AVP: variants seen among roughly 807,000 people sequenced by gnomAD.
AVP encodes the protein arginine vasopressin.
AVP carries 9 observed loss-of-function variants against 11.1 expected under a neutral mutation model. That is an observed-to-expected ratio of 0.81 (90% CI 0.49 to 1.42). AVP has a LOEUF of 1.42. Ranked by LOEUF, AVP falls within the 40% of genes most tolerant of loss-of-function variation. AVP has a pLI of 0.00. For synonymous variants in AVP, 106 were observed against 111.3 expected (o/e 0.95, Z 0.30); for missense variants, 206 against 238.5 (o/e 0.86, Z 0.90).
At chr20:3,084,058 A>G (rs111235278) in intron 1 of AVP, among the ~76,000 whole-genome samples, 2 of 152,178 alleles carry the variant, frequency 1.3e-5, no homozygotes, top group Non-Finnish European at 2.9e-5. Flanking sequence ...TCCCAGCAGA[A>G]CTTCCCCACA....
chr20:3,082,962 G>T lies in AVP; in HGVS notation c.322+15C>A, dbSNP rs755297710. The T allele has an allele frequency of 6.4e-6, 4 of 620,460 alleles. No homozygotes were observed. Among genetic ancestry groups the T allele is most frequent in the Non-Finnish European group, 8.6e-6 (4 of 463,120 alleles). 38.4% of individuals were successfully genotyped at this position (620,460 alleles called of 1,614,324 possible). On this transcript the variant is annotated intron_variant, in intron 2 of 2. Coordinates refer to ENST00000380293, the MANE Select transcript of AVP (RefSeq NM_000490.5). This position sits in a 1 kb window ranked among gnomAD's most constrained non-coding sequence, Gnocchi z 4.7. The stretch of plus-strand genomic sequence containing the variant: ...CTGCGCCCCCCCCAGCCCCAGGCCC[G>T]CCCCCGCCGCGCACCGTCGTTGCAG...
Position 3,082,971 on chromosome 20 carries a change from G to T in AVP, c.322+6C>A. The T allele has an allele frequency of 1.4e-6, 1 of 730,516 alleles. No individual in the cohort carries two copies. Among genetic ancestry groups the T allele is most frequent in the East Asian group, 8.7e-5 (1 of 11,484 alleles). 45.3% of individuals were successfully genotyped at this position (730,516 alleles called of 1,614,324 possible). The stretch of plus-strand genomic sequence containing the variant: ...CCCCAGCCCCAGGCCCGCCCCCGCC[G>T]CGCACCGTCGTTGCAGCAAACGCCG... On this transcript the variant is annotated splice_donor_region_variant and intron_variant, in intron 2 of 2. Transcript: ENST00000380293. This position sits in a 1 kb window ranked among gnomAD's most constrained non-coding sequence, Gnocchi z 4.7.
Position 3,082,900 on chromosome 20 carries a change from C to G in AVP, c.322+77G>C. 8.7e-7 allele frequency: 1 copy of G among 1,153,100 alleles called. No individual in the cohort carries two copies. Among genetic ancestry groups the G allele is most frequent in the African/African-American group, 1.6e-5 (1 of 60,698 alleles). The allele number at this position is 1,153,100 out of a possible 1,614,324, so 71.4% of individuals were successfully genotyped here. A position where few individuals can be genotyped will look rare whatever the true frequency, so the allele number is the denominator to read the frequency against. On this transcript the variant is annotated intron_variant, in intron 2 of 2. Transcript: ENST00000380293. This position sits in a 1 kb window ranked among gnomAD's most constrained non-coding sequence, Gnocchi z 4.7. The stretch of plus-strand genomic sequence containing the variant: ...CCTGCCGGGCCCGACGCAGCCCCCA[C>G]CCCGCCGCAGGCCCGCGTCCCCCCC...
At position 3,082,941 on chromosome 20, in the gene AVP, G is replaced by GGC. The variant is rs2066118218; in HGVS notation, c.322+35_322+36insGC. ...CGTCCCCCCCACCCAAGCGGTCTGC[G>GGC]CCCCCCCCAGCCCCAGGCCCGCCCC... is the stretch of plus-strand genomic sequence containing the variant. On this transcript the variant is annotated intron_variant, in intron 2 of 2. Transcript: ENST00000380293. This position sits in a 1 kb window ranked among gnomAD's most constrained non-coding sequence, Gnocchi z 4.7. 5 of 1,100,848 alleles carry GGC rather than the reference G, an allele frequency of 4.5e-6. No individual in the cohort carries two copies. In the African/African-American group the frequency reaches 5.1e-5, roughly 11 times the overall value. 68.2% of individuals were successfully genotyped at this position (1,100,848 alleles called of 1,614,324 possible).
chr20:3,082,815 C>A lies in AVP; in HGVS notation c.323-13G>T. 1 of 1,233,146 alleles carries A rather than the reference C, an allele frequency of 8.1e-7. No homozygotes were observed. Among genetic ancestry groups the A allele is most frequent in the Non-Finnish European group, 1.0e-6 (1 of 989,466 alleles). The allele number at this position is 1,233,146 out of a possible 1,614,324, so 76.4% of individuals were successfully genotyped here. ...GTCACGCAGCTCTCTGCCGGGAGGA[C>A]GTGTGAGCACGGGCGCCCTGGGGCG... On this transcript the variant is annotated splice_polypyrimidine_tract_variant and intron_variant, in intron 2 of 2. Transcript: ENST00000380293. The surrounding 1 kb of genome is among the most constrained non-coding windows in gnomAD (Gnocchi z 4.7).
In AVP at chr20:3,083,473, C is replaced by G. The variant is rs2066122224; in HGVS notation, c.121-295G>C. Reference sequence around the variant, plus strand: ...GACTACAGCGTGGGGAACCCTTCCTCGAGCCTCGGGGTCATCGCTGGTGGG... The same window carrying G: ...GACTACAGCGTGGGGAACCCTTCCTGGAGCCTCGGGGTCATCGCTGGTGGG... On this transcript the variant is annotated intron_variant, in intron 1 of 2. Coordinates refer to ENST00000380293, the MANE Select transcript of AVP (RefSeq NM_000490.5). The surrounding 1 kb of genome is among the most constrained non-coding windows in gnomAD (Gnocchi z 5.4). Among the ~76,000 whole-genome samples, 3 of 152,094 alleles carry G rather than the reference C, an allele frequency of 2.0e-5. No individual in the cohort carries two copies. Among genetic ancestry groups the G allele is most frequent in the Non-Finnish European group, 2.9e-5 (2 of 68,012 alleles).
In AVP at chr20:3,082,893, G is replaced by GGCC; in HGVS notation, c.322+83_322+84insGGC. ...CACCCTCCCTGCCGGGCCCGACGCA[G>GGCC]CCCCCACCCCGCCGCAGGCCCGCGT... On this transcript the variant is annotated intron_variant, in intron 2 of 2. Transcript: ENST00000380293. The surrounding 1 kb of genome is among the most constrained non-coding windows in gnomAD (Gnocchi z 4.7). 27 of 1,191,440 alleles carry GGCC rather than the reference G, an allele frequency of 2.3e-5. No individual in the cohort carries two copies. The highest frequency in any genetic ancestry group is 3.4e-5 in the South Asian group (1 of 29,036). The allele number at this position is 1,191,440 out of a possible 1,614,324, so 73.8% of individuals were successfully genotyped here.
rs1382053756 is a variant in AVP, at chr20:3,082,658, A to C, written c.467T>G (p.Phe156Cys). The C allele has an allele frequency of 7.0e-6, 9 of 1,281,210 alleles. No homozygotes were observed. The highest frequency in any genetic ancestry group is 7.9e-6 in the Non-Finnish European group (8 of 1,018,246). 79.4% of individuals were successfully genotyped at this position (1,281,210 alleles called of 1,614,324 possible). Residue 156 changes from phenylalanine to cysteine, a missense_variant, in exon 3 of 3, where the codon TTC becomes TGC. By Grantham distance (205) the Phe-to-Cys change is radical. Transcript: ENST00000380293. This position sits in a 1 kb window ranked among gnomAD's most constrained non-coding sequence, Gnocchi z 4.7. Reference sequence around the variant, plus strand: ...GTAGGCGTCGGGCTGGGCGGGCTCGAAGGGCTCGGGCGCCCCGGCCAGCTG... The same window carrying C: ...GTAGGCGTCGGGCTGGGCGGGCTCGCAGGGCTCGGGCGCCCCGGCCAGCTG... ...LVQLAGAPEP[F>C]EPAQPDAY
rs962523738 is a variant in AVP at position 3,083,714 on chromosome 20, C to T, written c.121-536G>A. ...TTGTCGGCCTCAGCTGGAGCCCTGA[C>T]CCCTGCTCAGCCACCTATGACCTAT... is the stretch of plus-strand genomic sequence containing the variant. On this transcript the variant is annotated intron_variant, in intron 1 of 2. Transcript: ENST00000380293. This position sits in a 1 kb window ranked among gnomAD's most constrained non-coding sequence, Gnocchi z 5.4. 1.3e-5 allele frequency among the ~76,000 whole-genome samples: 2 copies of T among 152,188 alleles called. No individual in the cohort carries two copies. Among genetic ancestry groups the T allele is most frequent in the African/African-American group, 4.8e-5 (2 of 41,446 alleles).
At chr20:3,084,516 C>T (rs551238089) in intron 1 of AVP, 39 bp downstream of exon 1, 8 of 1,613,042 alleles carry the variant, frequency 5.0e-6, no homozygotes, top group South Asian at 1.1e-5. Context: ...CAGCACTGCC[C>T]GCTATGGCAG....
chr20:3,084,082 A>T (rs2148571495), intron 1 of AVP, among the ~76,000 whole-genome samples: 1 of 152,246 alleles, frequency 6.6e-6, no homozygotes, highest in Middle Eastern at 3.4e-3. Context: ...TGCCCCACTC[A>T]AGCGCGCTCA....
chr20:3,082,594 GGCGCGAAGAGCGCGCCGGTGGGGCGA>G lies in AVP; in HGVS notation c.*10_*35del, dbSNP rs1465191705. ...GTTTATTGTCCGTGCTGCAGGGGCG[GGCGCGAAGAGCGCGCCGGTGGGGCGA>G]GCGCGGGGCTCAGTAGGCGTCGGGC... is the stretch of plus-strand genomic sequence containing the variant. On this transcript the variant is annotated 3_prime_UTR_variant, in exon 3 of 3. Transcript: ENST00000380293. The surrounding 1 kb of genome is among the most constrained non-coding windows in gnomAD (Gnocchi z 4.7). 24 of 1,244,298 alleles carry G rather than the reference GGCGCGAAGAGCGCGCCGGTGGGGCGA, an allele frequency of 1.9e-5. No individual in the cohort carries two copies. The African/African-American group carries it at 3.4e-4, about 18-fold the overall frequency. 77.1% of individuals were successfully genotyped at this position (1,244,298 alleles called of 1,614,324 possible). A position where few individuals can be genotyped will look rare whatever the true frequency, so the allele number is the denominator to read the frequency against.
In AVP at chr20:3,083,756, G is replaced by T. The variant is rs2066123763; in HGVS notation, c.121-578C>A. Among the ~76,000 whole-genome samples, 1 of 152,310 alleles carries T rather than the reference G, an allele frequency of 6.6e-6. No homozygotes were observed. The highest frequency in any genetic ancestry group is 2.4e-5 in the African/African-American group (1 of 41,562). On this transcript the variant is annotated intron_variant, in intron 1 of 2. Coordinates refer to ENST00000380293, the MANE Select transcript of AVP (RefSeq NM_000490.5). The surrounding 1 kb of genome is among the most constrained non-coding windows in gnomAD (Gnocchi z 5.4). ...ATGACCTATCAGGTGGGTGGCAGGG[G>T]CCTGAGACCTAGAGGCGAGCACGGA...
At position 3,084,593 on chromosome 20, in the gene AVP, C is replaced by A; in HGVS notation, c.82G>T (p.Gly28Cys). 1 of 1,614,022 alleles carries A rather than the reference C, an allele frequency of 6.2e-7. No individual in the cohort carries two copies. Among genetic ancestry groups the A allele is most frequent in the African/African-American group, 1.3e-5 (1 of 75,060 alleles). Residue 28 changes from glycine to cysteine, a missense_variant, in exon 1 of 3, where the codon GGC becomes TGC. Transcript: ENST00000380293. ...AGGTCGGACATGGCCCTCTTGCCGCCCCTCGGGCAGTTCTGGAAGTAGCAC... is the reference window on the plus strand; with the variant it reads ...AGGTCGGACATGGCCCTCTTGCCGCACCTCGGGCAGTTCTGGAAGTAGCAC... ...SACYFQNCPRGGKRAMSDLEL... is the reference protein window; with the variant it reads ...SACYFQNCPRCGKRAMSDLEL...
Position 3,084,564 on chromosome 20 carries a change from C to T in AVP, c.111G>A (p.Glu37=), listed in dbSNP as rs772010166. The T allele has an allele frequency of 1.2e-6, 2 of 1,613,998 alleles. No homozygotes were observed. Among genetic ancestry groups the T allele is most frequent in the South Asian group, 1.1e-5 (1 of 91,090 alleles). The change falls in exon 1 of 3, where the codon GAG becomes GAA. Residue 37 remains glutamate, a synonymous_variant. Transcript: ENST00000380293. ...RGGKRAMSDL[E]LRQCLPCGPG... is the part of the protein sequence containing the mutation. ...CCACAGTGGGAAGTACCTGTCTCAG[C>T]TCCAGGTCGGACATGGCCCTCTTGC...
chr20:3,082,913 C>T lies in AVP; in HGVS notation c.322+64G>A. 1.3e-6 allele frequency: 1 copy of T among 772,752 alleles called. No homozygotes were observed. The highest frequency in any genetic ancestry group is 1.7e-6 in the Non-Finnish European group (1 of 591,102). 47.9% of individuals were successfully genotyped at this position (772,752 alleles called of 1,614,324 possible). A position where few individuals can be genotyped will look rare whatever the true frequency, so the allele number is the denominator to read the frequency against. ...ACGCAGCCCCCACCCCGCCGCAGGC[C>T]CGCGTCCCCCCCACCCAAGCGGTCT... On this transcript the variant is annotated intron_variant, in intron 2 of 2. Coordinates refer to ENST00000380293, the MANE Select transcript of AVP (RefSeq NM_000490.5). The surrounding 1 kb of genome is among the most constrained non-coding windows in gnomAD (Gnocchi z 4.7).
chr20:3,083,886 C>CTATCTCT lies in AVP; in HGVS notation c.120+668_120+669insAGAGATA, dbSNP rs2066124526. Among the ~76,000 whole-genome samples the CTATCTCT allele has an allele frequency of 6.6e-6, 1 of 152,240 alleles. No individual in the cohort carries two copies. The highest frequency in any genetic ancestry group is 2.4e-5 in the African/African-American group (1 of 41,458). Reference sequence around the variant, plus strand: ...CTGCTCAACAGCCGGTTCTCTGGCGCAATGGATAGCGCATTAGACTTTTAG... The same window carrying CTATCTCT: ...CTGCTCAACAGCCGGTTCTCTGGCGCTATCTCTAATGGATAGCGCATTAGACTTTTAG... On this transcript the variant is annotated intron_variant, in intron 1 of 2. Transcript: ENST00000380293. This position sits in a 1 kb window ranked among gnomAD's most constrained non-coding sequence, Gnocchi z 5.4.
chr20:3,084,488 G>C, intron 1 of AVP, 67 bp downstream of exon 1: 1 of 1,609,170 alleles, frequency 6.2e-7, no homozygotes, highest in South Asian at 1.1e-5. Context: ...CTCTTTCCTA[G>C]CCCCTGACCC....
rs1171750668 is a variant in AVP, at chr20:3,084,181, A to G, written c.120+374T>C. ...AGGAAAGCCTCCAATGCTAGGTAGG[A>G]TGGAGCCTCTGCTGCCCCAGCCAGT... On this transcript the variant is annotated intron_variant, in intron 1 of 2. Transcript: ENST00000380293. 2.6e-5 allele frequency among the ~76,000 whole-genome samples: 4 copies of G among 152,252 alleles called. No individual in the cohort carries two copies. The East Asian group carries it at 7.7e-4, about 29-fold the overall frequency.
Sources: allele counts gnomAD v4.1 joint callset (sites outside exome capture counted in the v4.1 genomes callset), GRCh38; gene constraint gnomAD v4.1.1; non-coding constraint Gnocchi (gnomAD v3.1); transcripts MANE v1.5; gene names NCBI Gene and HGNC (gene_info 2026-07-23, HGNC 2026-07-21).